Variants in AK7 observed in about 807,000 individuals in gnomAD.
The protein encoded by AK7 is adenylate kinase 7.
In AK7, 78 loss-of-function variants were observed where a neutral mutation model predicts 96.6. That is an observed-to-expected ratio of 0.81 (90% confidence interval 0.67 to 0.97). The LOEUF is 0.97. Ranked by LOEUF, AK7 falls within the 50% of genes least tolerant of loss-of-function variation. AK7 has a pLI of 0.00. For missense variants in AK7, 855 were observed against 887.9 expected (o/e 0.96, Z 0.47); for synonymous variants, 302 against 317.2 (o/e 0.95, Z 0.51).
In AK7 at chr14:96,442,719, C is replaced by T. The variant is rs764335929; in HGVS notation, c.691-11C>T. 4 of 1,613,142 alleles carry T rather than the reference C, an allele frequency of 2.5e-6. No homozygotes were observed. Among genetic ancestry groups the T allele is most frequent in the Non-Finnish European group, 3.4e-6 (4 of 1,179,072 alleles). ...AACTGGGGGACATGATTTTGCTTTT[C>T]TTCCTTTCAGATGGCTTGGTTGGGC... On this transcript the variant is annotated splice_polypyrimidine_tract_variant and intron_variant, in intron 6 of 17. Coordinates refer to ENST00000267584, the MANE Select transcript of AK7 (RefSeq NM_152327.5).
chr14:96,400,423 G>A (rs1419181101), intron 2 of AK7, among the ~76,000 whole-genome samples: 5 of 152,122 alleles, frequency 3.3e-5, no homozygotes, highest in East Asian at 1.9e-4. Flanking sequence ...GTGTTGGACC[G>A]CATGTAATAG....
At chr14:96,463,599 A>G (rs2140138831) in intron 12 of AK7, among the ~76,000 whole-genome samples, 1 of 151,416 alleles carries the variant, frequency 6.6e-6, no homozygotes, top group East Asian at 2.0e-4. Flanking sequence ...GGGCGCCTGT[A>G]GTCCCAGCTA....
At chr14:96,471,682 CAATT>C (rs1894900000) in intron 13 of AK7, 76 bp downstream of exon 13, 12 of 1,203,198 alleles carry the variant, frequency 1.0e-5, no homozygotes, top group African/African-American at 3.1e-5. Context: ...AGTAGTCACT[CAATT>C]AAAGTAAACA....
At chr14:96,431,857 G>A (rs535393138) in intron 5 of AK7, among the ~76,000 whole-genome samples, 1 of 152,250 alleles carries the variant, frequency 6.6e-6, no homozygotes, top group South Asian at 2.1e-4. Context: ...TGACAGTGGG[G>A]TGTTAAAGCC....
At chr14:96,437,543 C>T (rs538689766) in intron 5 of AK7, among the ~76,000 whole-genome samples, 7 of 152,014 alleles carry the variant, frequency 4.6e-5, no homozygotes, top group African/African-American at 1.7e-4. Flanking sequence ...TTCTCTTTTC[C>T]CCCTCAGTGC....
chr14:96,407,362 A>T (rs1890767711), intron 3 of AK7, among the ~76,000 whole-genome samples: 1 of 152,196 alleles, frequency 6.6e-6, no homozygotes, highest in Non-Finnish European at 1.5e-5. Flanking sequence ...ATAATACGTG[A>T]TCATAGTGTT....
intron 7 of AK7, among the ~76,000 whole-genome samples, chr14:96,445,649 G>A (rs1595423493): frequency 6.6e-6 from 1 of 151,872 alleles, no homozygotes; most frequent in African/African-American, 2.4e-5. Flanking sequence ...AACAGAGCGA[G>A]ACTCAAAATA....
chr14:96,450,848 C>T (rs1893559643), intron 9 of AK7, among the ~76,000 whole-genome samples: 2 of 145,808 alleles, frequency 1.4e-5, no homozygotes, highest in African/African-American at 5.1e-5. Flanking sequence ...GATCTCGGCT[C>T]ACTGCAAGTT....
chr14:96,430,292 T>C (rs1362918788), intron 5 of AK7, among the ~76,000 whole-genome samples: 6 of 151,564 alleles, frequency 4.0e-5, no homozygotes, highest in African/African-American at 1.5e-4. Flanking sequence ...TTCATGCCAT[T>C]CTCCTGCCTC....
At chr14:96,449,210 T>G (rs1178701226) in intron 8 of AK7, among the ~76,000 whole-genome samples, 1 of 151,996 alleles carries the variant, frequency 6.6e-6, no homozygotes, top group Non-Finnish European at 1.5e-5. Flanking sequence ...ACATGTAAAT[T>G]CTGTGGGACA....
At chr14:96,420,591 G>A (rs1032301945) in intron 4 of AK7, among the ~76,000 whole-genome samples, 7 of 152,036 alleles carry the variant, frequency 4.6e-5, no homozygotes, top group African/African-American at 1.7e-4. Context: ...AGACTCGGTG[G>A]TTCATGCCTA....
At chr14:96,393,934 C>A (rs559879038) in intron 1 of AK7, among the ~76,000 whole-genome samples, 2 of 152,032 alleles carry the variant, frequency 1.3e-5, no homozygotes, top group South Asian at 4.1e-4. Context: ...CATAGTGAAA[C>A]CCTGTCTCTA....
intron 14 of AK7, among the ~76,000 whole-genome samples, chr14:96,475,378 C>T (rs376463027): frequency 1.3e-5 from 2 of 152,214 alleles, no homozygotes; most frequent in Admixed American, 6.5e-5. Context: ...GAAGCAAGAA[C>T]AAGGGGAAAG....
chr14:96,439,619 G>A (rs1446614843), intron 6 of AK7, among the ~76,000 whole-genome samples: 1 of 145,264 alleles, frequency 6.9e-6, no homozygotes, highest in Non-Finnish European at 1.5e-5. Flanking sequence ...AGCCGAAATT[G>A]CACCACTGCA....
intron 4 of AK7, among the ~76,000 whole-genome samples, chr14:96,411,725 G>C (rs756137759): frequency 6.6e-6 from 1 of 152,134 alleles, no homozygotes; most frequent in African/African-American, 2.4e-5. Context: ...GACCGATTAC[G>C]CAAAACAAAC....
rs183543416 is a variant in AK7, at chr14:96,473,455, G to T, written c.1555+700G>T. Among the ~76,000 whole-genome samples, 307 of 150,404 alleles carry T rather than the reference G, an allele frequency of 2.0e-3. 2 individuals carry two copies. Among genetic ancestry groups the T allele is most frequent in the African/African-American group, 6.5e-3 (267 of 40,764 alleles). ...TGGGATTACAAGTGTGAGCCACCTT[G>T]CCCAGGCTCTTTTTTTTTTTTTTTA... On this transcript the variant is annotated intron_variant, in intron 14 of 17. Transcript: ENST00000267584.
intron 14 of AK7, among the ~76,000 whole-genome samples, chr14:96,473,913 A>G (rs778597022): frequency 1.5e-4 from 23 of 152,234 alleles, no homozygotes; most frequent in Non-Finnish European, 3.2e-4. Flanking sequence ...CAGTGGTTTT[A>G]TTCTATCACA....
intron 8 of AK7, among the ~76,000 whole-genome samples, chr14:96,447,987 C>G (rs1893341898): frequency 6.6e-6 from 1 of 151,630 alleles, no homozygotes; most frequent in African/African-American, 2.4e-5. Context: ...AGAAATTAGC[C>G]GTGCATGGTG....
At chr14:96,455,044 G>C (rs754422957) in intron 10 of AK7, among the ~76,000 whole-genome samples, 20 of 152,214 alleles carry the variant, frequency 1.3e-4, no homozygotes, top group Non-Finnish European at 2.6e-4. Flanking sequence ...GCGTGCGCCT[G>C]TAATCCCAGG....
Sources: gnomAD v4.1 joint callset for allele counts (sites outside exome capture counted in the v4.1 genomes callset) on GRCh38, gnomAD v4.1.1 for gene constraint, MANE v1.5 for transcripts, NCBI Gene and HGNC (gene_info 2026-07-23, HGNC 2026-07-21) for gene names.